Variants in ATRNL1 observed in about 807,000 individuals in gnomAD.
ATRNL1 encodes attractin-like protein 1.
In ATRNL1, 95 loss-of-function variants were observed where a neutral mutation model predicts 182.7. The ratio of observed to expected loss-of-function variants is 0.52; its 90% confidence interval spans 0.44 to 0.62. The LOEUF (loss-of-function observed/expected upper bound fraction) is 0.62. Ranked by LOEUF, ATRNL1 falls within the 20% of genes least tolerant of loss-of-function variation. The pLI is 0.00. For synonymous variants in ATRNL1, 576 were observed against 568.3 expected (o/e 1.01, Z -0.19); for missense variants, 1,471 against 1,679.5 (o/e 0.88, Z 2.17).
At chr10:115,417,751 A>T (rs1385942725) in intron 20 of ATRNL1, among the ~76,000 whole-genome samples, 1 of 152,174 alleles carries the variant, frequency 6.6e-6, no homozygotes, top group Non-Finnish European at 1.5e-5. Context: ...CACACAGCCC[A>T]GTTACCCTCC....
At chr10:115,545,389 T>G (rs1852596313) in intron 25 of ATRNL1, among the ~76,000 whole-genome samples, 1 of 152,186 alleles carries the variant, frequency 6.6e-6, no homozygotes, top group African/African-American at 2.4e-5. Flanking sequence ...CTTACACTGT[T>G]TATTGATTTT....
intron 9 of ATRNL1, among the ~76,000 whole-genome samples, chr10:115,228,987 G>A (rs1849815897): frequency 6.6e-6 from 1 of 151,588 alleles, no homozygotes; most frequent in Non-Finnish European, 1.5e-5. Context: ...GGCTGGTCTC[G>A]AACTCCTGGC....
chr10:115,874,492 A>G (rs1951656519), intron 28 of ATRNL1, among the ~76,000 whole-genome samples: 1 of 152,224 alleles, frequency 6.6e-6, no homozygotes. Context: ...TATCAGAGAA[A>G]GAAATCAATG....
rs532942053 is a variant in ATRNL1 at position 115,276,868 on chromosome 10, T to C, written c.2101-4487T>C. 9.0e-4 allele frequency among the ~76,000 whole-genome samples: 137 copies of C among 152,284 alleles called. 1 individual carries two copies. Among genetic ancestry groups the C allele is most frequent in the Admixed American group, 2.2e-3 (34 of 15,300 alleles). Reference sequence around the variant, plus strand: ...GATTGAAATATAATTTCATTTTTTGTACTTGTTTAGTATCAATAAATGACT... The same window carrying C: ...GATTGAAATATAATTTCATTTTTTGCACTTGTTTAGTATCAATAAATGACT... On this transcript the variant is annotated intron_variant, in intron 13 of 28. Coordinates refer to ENST00000355044, the MANE Select transcript of ATRNL1 (RefSeq NM_207303.4).
At chr10:115,808,414 GTTCA>G in intron 27 of ATRNL1, among the ~76,000 whole-genome samples, 1 of 151,874 alleles carries the variant, frequency 6.6e-6, no homozygotes, top group South Asian at 2.1e-4. Context: ...TTCATAATTC[GTTCA>G]TTCATCAGTT....
chr10:115,419,825 G>A (rs186179686), intron 20 of ATRNL1, among the ~76,000 whole-genome samples: 2 of 152,142 alleles, frequency 1.3e-5, no homozygotes, highest in Admixed American at 1.3e-4. Context: ...AATAGTAGGG[G>A]ACTTCAACAC....
At chr10:115,496,826 T>C (rs1297547507) in intron 24 of ATRNL1, among the ~76,000 whole-genome samples, 1 of 152,154 alleles carries the variant, frequency 6.6e-6, no homozygotes, top group Non-Finnish European at 1.5e-5. Context: ...CCATTTAACA[T>C]TTTTTCTTTC....
intron 26 of ATRNL1, among the ~76,000 whole-genome samples, chr10:115,659,403 CT>C (rs1165039097): frequency 3.1e-4 from 47 of 152,148 alleles, no homozygotes; most frequent in African/African-American, 1.1e-3. Context: ...CATATAGCTC[CT>C]TTATTCATTT....
At chr10:115,519,796 G>T (rs1177464518) in intron 25 of ATRNL1, among the ~76,000 whole-genome samples, 2 of 152,114 alleles carry the variant, frequency 1.3e-5, no homozygotes, top group African/African-American at 4.8e-5. Context: ...TGCTCTTTTG[G>T]TTGGTTTTCA....
intron 11 of ATRNL1, among the ~76,000 whole-genome samples, chr10:115,266,590 A>G (rs886902708): frequency 2.6e-5 from 4 of 151,772 alleles, no homozygotes; most frequent in African/African-American, 9.6e-5. Flanking sequence ...TTTTGTCTGG[A>G]AAGTCTTCAA....
chr10:115,919,052 G>A (rs577367596), intron 28 of ATRNL1, among the ~76,000 whole-genome samples: 74 of 152,206 alleles, frequency 4.9e-4, no homozygotes, highest in African/African-American at 1.4e-3. Flanking sequence ...ATAAAACTTC[G>A]CAGACATAAC....
Position 115,558,724 on chromosome 10 carries a change from G to C in ATRNL1, c.3795+9188G>C, listed in dbSNP as rs59855143. 7.6e-3 allele frequency among the ~76,000 whole-genome samples: 1,161 copies of C among 152,194 alleles called. 11 individuals are homozygous for C. The highest frequency in any genetic ancestry group is 0.027 in the African/African-American group (1,111 of 41,512). ...CTGCCCCCAGACCTTGGTGTTTTCT[G>C]TTTTAGAAATTTGCTCAAATTGGCC... On this transcript the variant is annotated intron_variant, in intron 26 of 28. Coordinates refer to ENST00000355044, the MANE Select transcript of ATRNL1 (RefSeq NM_207303.4).
chr10:115,172,877 C>T (rs1847349131), intron 8 of ATRNL1, among the ~76,000 whole-genome samples: 1 of 150,792 alleles, frequency 6.6e-6, no homozygotes, highest in South Asian at 2.1e-4. Context: ...ACTTACTCAG[C>T]TGTAAGTTTA....
chr10:115,586,900 C>G lies in ATRNL1; in HGVS notation c.3795+37364C>G, dbSNP rs1244974072. On this transcript the variant is annotated intron_variant, in intron 26 of 28. Coordinates refer to ENST00000355044, the MANE Select transcript of ATRNL1 (RefSeq NM_207303.4). ...CTTTGTGGTTTTATCTACTTTTGGT[C>G]TATGATGATGGTAATGTACAGATGG... Among the ~76,000 whole-genome samples the G allele has an allele frequency of 2.7e-5, 3 of 112,314 alleles. 1 individual carries two copies. The highest frequency in any genetic ancestry group is 5.9e-5 in the Non-Finnish European group (3 of 50,572). 73.7% of individuals were successfully genotyped at this position (112,314 alleles called of 152,430 possible).
chr10:115,918,247 T>C (rs1952936790), intron 28 of ATRNL1, among the ~76,000 whole-genome samples: 1 of 152,038 alleles, frequency 6.6e-6, no homozygotes, highest in Non-Finnish European at 1.5e-5. Flanking sequence ...ATTACAAGCG[T>C]GCACCACTGT....
chr10:115,467,275 T>G (rs1404885478), intron 23 of ATRNL1, 23 bp downstream of exon 23: 1 of 1,529,940 alleles, frequency 6.5e-7, no homozygotes, highest in Non-Finnish European at 9.0e-7. Flanking sequence ...TGATGTCATA[T>G]CTCTTTTACA....
chr10:115,762,491 C>T (rs1413097632), intron 27 of ATRNL1, among the ~76,000 whole-genome samples: 1 of 151,992 alleles, frequency 6.6e-6, no homozygotes, highest in Non-Finnish European at 1.5e-5. Flanking sequence ...GAAGAAACAA[C>T]ACAGTAATAT....
intron 26 of ATRNL1, among the ~76,000 whole-genome samples, chr10:115,650,573 A>ATGTT (rs1555034068): frequency 2.0e-5 from 3 of 151,682 alleles, no homozygotes; most frequent in African/African-American, 7.3e-5. Context: ...GCACACAGAT[A>ATGTT]CGTTTGAATA....
At chr10:115,331,112 T>G (rs146337104) in intron 18 of ATRNL1, among the ~76,000 whole-genome samples, 1,960 of 151,932 alleles carry the variant, frequency 0.013, 37 homozygotes, top group African/African-American at 0.044. Context: ...TAGGCTGGAG[T>G]GCAGTGGTGC....
Sources: allele counts gnomAD v4.1 joint callset (sites outside exome capture counted in the v4.1 genomes callset), GRCh38; gene constraint gnomAD v4.1.1; transcripts MANE v1.5; gene names NCBI Gene and HGNC (gene_info 2026-07-23, HGNC 2026-07-21).